Variants in ADAMTS12 observed in about 807,000 individuals in gnomAD.
ADAMTS12 encodes the protein A disintegrin and metalloproteinase with thrombospondin motifs 12.
ADAMTS12 carries 118 observed loss-of-function variants against 167.8 expected under a neutral mutation model. The observed-to-expected ratio is 0.70, with a 90% CI of 0.61 to 0.82. The LOEUF (loss-of-function observed/expected upper bound fraction) is 0.82, where lower values mean the gene tolerates loss of function less well. ADAMTS12 is among the 40% of genes least tolerant of loss of function. The probability of loss-of-function intolerance (pLI) is 0.00; values close to 1 mark genes in which losing one functional copy is unlikely to be tolerated. For missense variants in ADAMTS12, 1,916 were observed against 1,998.8 expected (o/e 0.96, Z 0.79); for synonymous variants, 704 against 716.9 (o/e 0.98, Z 0.29).
At chr5:33,658,922 A>G (rs1331990044) in intron 6 of ADAMTS12, among the ~76,000 whole-genome samples, 1 of 152,182 alleles carries the variant, frequency 6.6e-6, no homozygotes, top group African/African-American at 2.4e-5. Context: ...AATACTAATT[A>G]TGGCTTTTAA....
At chr5:33,849,741 A>G (rs1295169897) in intron 2 of ADAMTS12, among the ~76,000 whole-genome samples, 1 of 149,772 alleles carries the variant, frequency 6.7e-6, no homozygotes, top group African/African-American at 2.4e-5. Context: ...TATGTATTGC[A>G]TAGCAATATA....
At chr5:33,721,117 CGA>C (rs1561234291) in intron 3 of ADAMTS12, among the ~76,000 whole-genome samples, 1 of 152,050 alleles carries the variant, frequency 6.6e-6, no homozygotes, top group South Asian at 2.1e-4. Flanking sequence ...AAGCCAGACA[CGA>C]GAGAGAGTGT....
intron 2 of ADAMTS12, among the ~76,000 whole-genome samples, chr5:33,831,559 A>T (rs2591725): frequency 0.43 from 65,814 of 151,980 alleles, 15,066 homozygotes; most frequent in Non-Finnish European, 0.52. Flanking sequence ...GGTGCGTTGT[A>T]GGTTCCAACT....
At chr5:33,641,366 T>C (rs1363274867) in intron 11 of ADAMTS12, among the ~76,000 whole-genome samples, 1 of 152,190 alleles carries the variant, frequency 6.6e-6, no homozygotes, top group African/African-American at 2.4e-5. Context: ...TTTTACTAGT[T>C]GCTTAAGGAA....
At position 33,525,332 on chromosome 5, in the gene ADAMTS12, A is replaced by G. The variant is rs1377274495; in HGVS notation, c.*1856T>C. 1 of 152,242 alleles carries G rather than the reference A, an allele frequency of 6.6e-6. No homozygotes were observed. The highest frequency in any genetic ancestry group is 2.4e-5 in the African/African-American group (1 of 41,470). 9.4% of individuals were successfully genotyped at this position (152,242 alleles called of 1,614,324 possible). A position where few individuals can be genotyped will look rare whatever the true frequency, so the allele number is the denominator to read the frequency against. The stretch of plus-strand genomic sequence containing the variant: ...ATAAATTCTCTGGCTTTAGGTAAAC[A>G]TTTGTACTTTCCTCCTGTTTCTGGT... On this transcript the variant is annotated 3_prime_UTR_variant, in exon 24 of 24. Transcript: ENST00000504830.
chr5:33,624,461 T>C, intron 13 of ADAMTS12, 110 bp from the exon 14 acceptor site: 1 of 1,461,512 alleles, frequency 6.8e-7, no homozygotes, highest in Non-Finnish European at 9.2e-7. Flanking sequence ...GGGCAGGAGG[T>C]ACCAGGTACA....
At position 33,623,334 on chromosome 5, in the gene ADAMTS12, C is replaced by T. The variant is rs527646845; in HGVS notation, c.2143+897G>A. 6.6e-5 allele frequency among the ~76,000 whole-genome samples: 10 copies of T among 152,308 alleles called. No homozygotes were observed. In the South Asian group the frequency reaches 1.0e-3, roughly 16 times the overall value. Reference sequence around the variant, plus strand: ...TATGGAATCCAGAGAATTAACAGTCCGATCTCCCTAGAGTAACCTCAACCC... The same window carrying T: ...TATGGAATCCAGAGAATTAACAGTCTGATCTCCCTAGAGTAACCTCAACCC... On this transcript the variant is annotated intron_variant, in intron 14 of 23. Coordinates refer to ENST00000504830, the MANE Select transcript of ADAMTS12 (RefSeq NM_030955.4).
intron 2 of ADAMTS12, among the ~76,000 whole-genome samples, chr5:33,803,002 T>TA (rs1296496152): frequency 6.6e-6 from 1 of 152,124 alleles, no homozygotes; most frequent in African/African-American, 2.4e-5. Flanking sequence ...GAAGGAGACT[T>TA]ACCCATAATC....
chr5:33,891,577 C>T, intron 1 of ADAMTS12, 153 bp downstream of exon 1: 1 of 1,114,586 alleles, frequency 9.0e-7, no homozygotes, highest in Non-Finnish European at 1.3e-6. Context: ...AAAGCCTAGG[C>T]TCCTGAGGTC....
At chr5:33,709,468 A>G (rs1743316893) in intron 3 of ADAMTS12, among the ~76,000 whole-genome samples, 1 of 152,242 alleles carries the variant, frequency 6.6e-6, no homozygotes, top group South Asian at 2.1e-4. Flanking sequence ...ATGCCCATCA[A>G]TGATAGACTG....
At chr5:33,804,310 T>C (rs1269541682) in intron 2 of ADAMTS12, among the ~76,000 whole-genome samples, 1 of 152,198 alleles carries the variant, frequency 6.6e-6, no homozygotes, top group African/African-American at 2.4e-5. Context: ...AGCAAACCCA[T>C]CGCAAACAAG....
At chr5:33,528,596 G>A (rs764234572) in intron 23 of ADAMTS12, among the ~76,000 whole-genome samples, 1 of 152,160 alleles carries the variant, frequency 6.6e-6, no homozygotes, top group Non-Finnish European at 1.5e-5. Context: ...CACAAATGAC[G>A]AAAGTAAGGC....
chr5:33,710,961 A>C (rs1232326398), intron 3 of ADAMTS12, among the ~76,000 whole-genome samples: 1 of 152,214 alleles, frequency 6.6e-6, no homozygotes, highest in Non-Finnish European at 1.5e-5. Flanking sequence ...CCCTGCACAG[A>C]TAGGCAGGGC....
intron 2 of ADAMTS12, among the ~76,000 whole-genome samples, chr5:33,856,465 G>T (rs1749405998): frequency 6.6e-6 from 1 of 152,080 alleles, no homozygotes; most frequent in African/African-American, 2.4e-5. Flanking sequence ...AGCCCCTCCA[G>T]AAAAAGTGGC....
intron 9 of ADAMTS12, among the ~76,000 whole-genome samples, 161 bp from the exon 10 acceptor site, chr5:33,643,631 A>C (rs1740550857): frequency 6.6e-6 from 1 of 152,218 alleles, no homozygotes; most frequent in Non-Finnish European, 1.5e-5. Context: ...TTTCAGTTCA[A>C]GCTTAACTTG....
intron 9 of ADAMTS12, among the ~76,000 whole-genome samples, chr5:33,644,010 TA>T (rs944347530): frequency 1.3e-5 from 2 of 152,232 alleles, no homozygotes; most frequent in African/African-American, 4.8e-5. Flanking sequence ...CTTATGGGGA[TA>T]AAGGAAGGTT....
At chr5:33,656,258 A>G (rs1327731577) in intron 7 of ADAMTS12, among the ~76,000 whole-genome samples, 2 of 152,200 alleles carry the variant, frequency 1.3e-5, no homozygotes, top group Non-Finnish European at 2.9e-5. Flanking sequence ...CCCAATAACT[A>G]CTAAACATCT....
At chr5:33,677,020 T>C (rs1166691224) in intron 5 of ADAMTS12, among the ~76,000 whole-genome samples, 1 of 152,164 alleles carries the variant, frequency 6.6e-6, no homozygotes, top group African/African-American at 2.4e-5. Context: ...GATGGCATAG[T>C]CACCTAGGAT....
At chr5:33,770,639 G>A (rs774559702) in intron 2 of ADAMTS12, among the ~76,000 whole-genome samples, 25 of 152,040 alleles carry the variant, frequency 1.6e-4, no homozygotes, top group Middle Eastern at 3.4e-3. Context: ...GTTATTTCAC[G>A]GTCTCTGCCC....
Sources: allele counts gnomAD v4.1 joint callset (sites outside exome capture counted in the v4.1 genomes callset), GRCh38; gene constraint gnomAD v4.1.1; transcripts MANE v1.5; gene names NCBI Gene and HGNC (gene_info 2026-07-23, HGNC 2026-07-21).